The following EPN2 variants were observed in gnomAD, a reference collection of about 807,000 sequenced individuals.
EPN2 encodes the protein epsin 2.
Under a neutral mutation model 61.7 loss-of-function variants are expected in EPN2, and 34 were observed. The observed-to-expected ratio is 0.55, with a 90% confidence interval of 0.42 to 0.73. The LOEUF is 0.73. Ranked by LOEUF, EPN2 falls within the 30% of genes least tolerant of loss-of-function variation. The probability of loss-of-function intolerance (pLI) is 0.00; values close to 1 mark genes in which losing one functional copy is unlikely to be tolerated. For missense variants in EPN2, 714 were observed against 839.2 expected (o/e 0.85, Z 1.84); for synonymous variants, 349 against 353.6 (o/e 0.99, Z 0.15).
intron 4 of EPN2, chr17:19,303,855 A>C (rs1044096772): frequency 2.0e-5 from 3 of 152,194 alleles, no homozygotes; most frequent in African/African-American, 4.8e-5. Context: ...CTGTAATCCC[A>C]GCAGTTTGGG....
intron 8 of EPN2, chr17:19,329,340 C>T (rs1411346572): frequency 2.0e-6 from 1 of 507,140 alleles, no homozygotes; most frequent in Non-Finnish European, 3.5e-6. Context: ...GTGGGCATCC[C>T]ACACCCTGTC....
chr17:19,317,338 G>A (rs1475293668), intron 7 of EPN2, among the ~76,000 whole-genome samples: 1 of 152,174 alleles, frequency 6.6e-6, no homozygotes, highest in East Asian at 1.9e-4. Context: ...GTCTGAGGAG[G>A]GCTTATAGCC....
At chr17:19,331,176 C>T (rs1399699657) in intron 9 of EPN2, among the ~76,000 whole-genome samples, 1 of 152,174 alleles carries the variant, frequency 6.6e-6, no homozygotes, top group Non-Finnish European at 1.5e-5. Context: ...GGCTCAGCAA[C>T]AATTCAATAA....
chr17:19,276,773 G>GTTTGTTTTTTTTTT (rs2045309752), intron 1 of EPN2, among the ~76,000 whole-genome samples: 1 of 119,324 alleles, frequency 8.4e-6, no homozygotes, highest in East Asian at 2.5e-4. Context: ...ATGAGAATAA[G>GTTTGTTTTTTTTTT]TTTTTTTTTT....
chr17:19,291,145 T>TCTC (rs2045460408), intron 4 of EPN2, among the ~76,000 whole-genome samples: 1 of 151,948 alleles, frequency 6.6e-6, no homozygotes, highest in Non-Finnish European at 1.5e-5. Flanking sequence ...AAAACAGAGG[T>TCTC]GAGAAAGAAA....
chr17:19,293,805 A>G (rs1179371231), intron 4 of EPN2, among the ~76,000 whole-genome samples: 1 of 151,902 alleles, frequency 6.6e-6, no homozygotes, highest in Non-Finnish European at 1.5e-5. Flanking sequence ...AGTGCTATCA[A>G]GGCTGGGCGC....
chr17:19,275,154 A>G (rs568404915), intron 1 of EPN2, among the ~76,000 whole-genome samples: 147 of 152,162 alleles, frequency 9.7e-4, no homozygotes, highest in African/African-American at 3.4e-3. Context: ...TTGTGGGTCA[A>G]CTGTGGCTGG....
rs181087251 is a variant in EPN2, at chr17:19,289,185, C to T, written c.766+3395C>T. Among the ~76,000 whole-genome samples the T allele has an allele frequency of 2.9e-4, 43 of 147,634 alleles. No individual in the cohort carries two copies. In the East Asian group the frequency reaches 5.6e-3, roughly 19 times the overall value. On this transcript the variant is annotated intron_variant, in intron 4 of 10. Coordinates refer to ENST00000314728, the MANE Select transcript of EPN2 (RefSeq NM_014964.5). Reference sequence around the variant, plus strand: ...CTGCAAGCTCTGCCTCCCGGGTTCACGCCATTCTCCTGCCTCAGCCTCCCA... The same window carrying T: ...CTGCAAGCTCTGCCTCCCGGGTTCATGCCATTCTCCTGCCTCAGCCTCCCA...
intron 7 of EPN2, among the ~76,000 whole-genome samples, chr17:19,316,073 C>CT (rs2152233971): frequency 6.6e-6 from 1 of 152,302 alleles, no homozygotes; most frequent in South Asian, 2.1e-4. Context: ...TCCTTCATGA[C>CT]TTTCTGTGGA....
rs947916730 is a variant in EPN2 at position 19,286,277 on chromosome 17, AT to A, written c.766+497del. On this transcript the variant is annotated intron_variant, in intron 4 of 10. Transcript: ENST00000314728. ...TATGCCTTGCCCTGAATAAAATGGG[AT>A]TTTTTTTTTGCTTCCCAATTAACTG... 1.1e-3 allele frequency among the ~76,000 whole-genome samples: 158 copies of A among 140,742 alleles called. 3 individuals are homozygous for A. Among genetic ancestry groups the A allele is most frequent in the Middle Eastern group, 3.5e-3 (1 of 282 alleles). 92.3% of individuals were successfully genotyped at this position (140,742 alleles called of 152,430 possible).
intron 1 of EPN2, among the ~76,000 whole-genome samples, chr17:19,246,016 T>C (rs1315049854): frequency 6.6e-6 from 1 of 152,008 alleles, no homozygotes; most frequent in African/African-American, 2.4e-5. Flanking sequence ...CCCCAAGTGC[T>C]GGGATTACAG....
At chr17:19,291,343 T>G (rs1463407743) in intron 4 of EPN2, among the ~76,000 whole-genome samples, 1 of 151,630 alleles carries the variant, frequency 6.6e-6, no homozygotes, top group Non-Finnish European at 1.5e-5. Flanking sequence ...GCCTCCACTC[T>G]CGAGTGGCCT....
intron 1 of EPN2, among the ~76,000 whole-genome samples, chr17:19,264,319 T>C (rs2045173839): frequency 6.6e-6 from 1 of 152,220 alleles, no homozygotes; most frequent in South Asian, 2.1e-4. Flanking sequence ...AACTAAAAAA[T>C]TCCCCTCCTG....
intron 1 of EPN2, among the ~76,000 whole-genome samples, chr17:19,261,082 T>A (rs549315889): frequency 1.3e-5 from 2 of 152,238 alleles, no homozygotes; most frequent in African/African-American, 4.8e-5. Flanking sequence ...GCACATCGTT[T>A]CCCACATTGC....
chr17:19,309,240 C>T (rs1486405808), intron 4 of EPN2, among the ~76,000 whole-genome samples: 2 of 151,028 alleles, frequency 1.3e-5, no homozygotes, highest in Non-Finnish European at 2.9e-5. Flanking sequence ...TATCCCGGGT[C>T]TCTAAGTGAT....
In EPN2 at chr17:19,313,111, T is replaced by C; in HGVS notation, c.979T>C (p.Ser327Pro). 2.5e-6 allele frequency: 4 copies of C among 1,613,254 alleles called. No homozygotes were observed. Among genetic ancestry groups the C allele is most frequent in the Non-Finnish European group, 3.4e-6 (4 of 1,179,592 alleles). Reference sequence around the variant, plus strand: ...CTTCTCTTTGTCTTAAAAGCATGGCTCTCTCCCACAGCAGACTACGCTGTT... The same window carrying C: ...CTTCTCTTTGTCTTAAAAGCATGGCCCTCTCCCACAGCAGACTACGCTGTT... ...VKIPKKKEHG[S>P]LPQQTTLLDL... The change falls in exon 7 of 11, where the codon TCT becomes CCT. Residue 327 changes from serine (S) to proline (P), a missense_variant. Ser to Pro is a moderately conservative substitution (Grantham distance 74). Around this residue, in one of 2 missense-constraint regions of EPN2, gnomAD observed 410 missense variants for 421.8 expected, o/e 0.97. Coordinates refer to ENST00000314728, the MANE Select transcript of EPN2 (RefSeq NM_014964.5).
intron 4 of EPN2, among the ~76,000 whole-genome samples, chr17:19,294,139 C>T (rs1028120070): frequency 4.6e-5 from 7 of 151,432 alleles, no homozygotes; most frequent in Non-Finnish European, 8.8e-5. Context: ...ATTGGGAGGC[C>T]GGCTGCAGTG....
chr17:19,325,258 A>G (rs1421279461), intron 7 of EPN2, among the ~76,000 whole-genome samples: 4 of 152,248 alleles, frequency 2.6e-5, no homozygotes, highest in African/African-American at 9.6e-5. Flanking sequence ...AGACTAGCAG[A>G]AGCCTAATGG....
At chr17:19,247,783 G>A (rs549718045) in intron 1 of EPN2, among the ~76,000 whole-genome samples, 17 of 152,316 alleles carry the variant, frequency 1.1e-4, no homozygotes, top group African/African-American at 3.8e-4. Context: ...GTGGGTGGGG[G>A]CCTGGCCCAG....
Sources: gnomAD v4.1 joint callset for allele counts (sites outside exome capture counted in the v4.1 genomes callset) on GRCh38, gnomAD v4.1.1 for gene constraint, gnomAD v4.1.1 regional missense constraint, MANE v1.5 for transcripts, NCBI Gene and HGNC (gene_info 2026-07-23, HGNC 2026-07-21) for gene names.